PHKB: variants seen among roughly 807,000 people sequenced by gnomAD.
PHKB encodes phosphorylase b kinase regulatory subunit beta.
PHKB carries 122 observed loss-of-function variants against 152.1 expected under a neutral mutation model. The ratio of observed to expected loss-of-function variants is 0.80; its 90% CI spans 0.69 to 0.93. The LOEUF (loss-of-function observed/expected upper bound fraction) is 0.93. Among genes scored for constraint, PHKB ranks in the 40% least tolerant of loss-of-function variants. The pLI, the probability that PHKB is intolerant of heterozygous loss-of-function variation, is 0.00. For missense variants in PHKB, 1,304 were observed against 1,328.4 expected, an observed-to-expected ratio of 0.98 and a Z score of 0.29; for synonymous variants, 436 against 464.9, an observed-to-expected ratio of 0.94 and a Z score of 0.80.
At chr16:47,610,737 T>A in intron 13 of PHKB, 89 bp from the exon 14 acceptor site, 1 of 767,434 alleles carries the variant, frequency 1.3e-6, no homozygotes, top group South Asian at 1.4e-5. Flanking sequence ...TATATTCTTC[T>A]CTTGTTGGAG....
chr16:47,626,584 C>T (rs1972713974), intron 14 of PHKB, among the ~76,000 whole-genome samples: 1 of 152,178 alleles, frequency 6.6e-6, no homozygotes, highest in Non-Finnish European at 1.5e-5. Flanking sequence ...GTTTATGGTA[C>T]AGCCAGTAAG....
chr16:47,517,913 T>C (rs887547268), intron 6 of PHKB, among the ~76,000 whole-genome samples: 7 of 152,184 alleles, frequency 4.6e-5, no homozygotes, highest in Non-Finnish European at 1.0e-4. Context: ...ATCTTTTTCC[T>C]TGAGATTCTG....
chr16:47,614,604 A>G (rs1395127449), intron 14 of PHKB, among the ~76,000 whole-genome samples: 1 of 152,172 alleles, frequency 6.6e-6, no homozygotes, highest in Non-Finnish European at 1.5e-5. Flanking sequence ...CAGTGGTATC[A>G]TTTTGCCACT....
rs542889959 is a variant in PHKB at position 47,473,842 on chromosome 16, GC to G, written c.76+12420del. Among the ~76,000 whole-genome samples, 1,230 of 152,190 alleles carry G rather than the reference GC, an allele frequency of 8.1e-3. 16 individuals are homozygous for G. The highest frequency in any genetic ancestry group is 0.029 in the African/African-American group (1,194 of 41,512). On this transcript the variant is annotated intron_variant, in intron 1 of 30. Transcript: ENST00000323584. ...TAAATCAGGCTAATTAACAAATCTG[GC>G]CCCTCACATACTTACTATTTTTTCG...
At chr16:47,664,629 T>C (rs541321909) in intron 24 of PHKB, among the ~76,000 whole-genome samples, 20 of 152,312 alleles carry the variant, frequency 1.3e-4, no homozygotes, top group Non-Finnish European at 2.4e-4. Context: ...TCACTGTAAA[T>C]TTTCAGTACA....
At chr16:47,506,428 A>G (rs958601873) in intron 4 of PHKB, among the ~76,000 whole-genome samples, 18 of 152,238 alleles carry the variant, frequency 1.2e-4, no homozygotes, top group Admixed American at 1.2e-3. Context: ...GGTTTTTCAG[A>G]TGCTTGAAAT....
intron 14 of PHKB, among the ~76,000 whole-genome samples, chr16:47,622,605 C>T (rs572938651): frequency 3.9e-5 from 6 of 152,284 alleles, no homozygotes; most frequent in South Asian, 4.1e-4. Flanking sequence ...AATTCAGTTT[C>T]GCATTCAGTG....
At chr16:47,647,028 G>T (rs1973141221) in intron 16 of PHKB, among the ~76,000 whole-genome samples, 1 of 152,098 alleles carries the variant, frequency 6.6e-6, no homozygotes, top group South Asian at 2.1e-4. Context: ...AGACATTCTA[G>T]AAGTTTCTGC....
At chr16:47,621,849 A>G (rs895870515) in intron 14 of PHKB, among the ~76,000 whole-genome samples, 4 of 152,162 alleles carry the variant, frequency 2.6e-5, no homozygotes, top group Admixed American at 6.6e-5. Flanking sequence ...ATCAATTGGT[A>G]TTTATACCTG....
chr16:47,644,347 G>T (rs1447793006), intron 16 of PHKB, among the ~76,000 whole-genome samples: 1 of 152,174 alleles, frequency 6.6e-6, no homozygotes, highest in Non-Finnish European at 1.5e-5. Flanking sequence ...ACATTCAGTT[G>T]CTCCCTCATT....
chr16:47,523,797 C>T (rs1597053907), intron 6 of PHKB, among the ~76,000 whole-genome samples: 2 of 152,298 alleles, frequency 1.3e-5, no homozygotes, highest in African/African-American at 4.8e-5. Context: ...AGGCCATTTG[C>T]ATCTATGTGA....
chr16:47,580,849 A>G (rs1209794696), intron 8 of PHKB, among the ~76,000 whole-genome samples: 2 of 151,912 alleles, frequency 1.3e-5, no homozygotes, highest in African/African-American at 4.8e-5. Flanking sequence ...CTAAAATCTC[A>G]TTTTCTCTGG....
At chr16:47,468,530 G>A (rs1969708742) in intron 1 of PHKB, among the ~76,000 whole-genome samples, 1 of 152,226 alleles carries the variant, frequency 6.6e-6, no homozygotes, top group Non-Finnish European at 1.5e-5. Context: ...GCATGCGCCT[G>A]TAATCTCAGC....
intron 25 of PHKB, chr16:47,665,973 A>C: frequency 6.2e-7 from 1 of 1,614,026 alleles, no homozygotes; most frequent in Non-Finnish European, 8.5e-7. Context: ...AAGTCTTTTA[A>C]GTAAAGTAGT....
intron 10 of PHKB, among the ~76,000 whole-genome samples, chr16:47,592,464 C>A (rs1972044772): frequency 6.6e-6 from 1 of 152,200 alleles, no homozygotes; most frequent in Non-Finnish European, 1.5e-5. Context: ...CTTTGTGATT[C>A]TGTGCATCTG....
chr16:47,485,974 A>G (rs1449394592), intron 1 of PHKB, among the ~76,000 whole-genome samples: 1 of 151,766 alleles, frequency 6.6e-6, no homozygotes, highest in Non-Finnish European at 1.5e-5. Flanking sequence ...AAAAAAAAAA[A>G]GTAGTAAAAA....
In PHKB at chr16:47,547,443, T is replaced by G; in HGVS notation, c.605T>G (p.Ile202Ser). 6.2e-7 allele frequency: 1 copy of G among 1,602,706 alleles called. No homozygotes were observed. The highest frequency in any genetic ancestry group is 1.1e-5 in the South Asian group (1 of 90,838). Residue 202 changes from isoleucine to serine, a missense_variant, in exon 7 of 31, where the codon ATT becomes AGT. Ile to Ser is a moderately radical substitution (Grantham distance 142, BLOSUM62 -2). Coordinates refer to ENST00000323584, the MANE Select transcript of PHKB (RefSeq NM_000293.3). ...IIYNTDEVSF[I>S]QNLVFCVERV... Reference sequence around the variant, plus strand: ...TTCTTTTTCTTTTAGGTCTCTTTTATTCAAAACCTTGTATTTTGTGTGGAA... The same window carrying G: ...TTCTTTTTCTTTTAGGTCTCTTTTAGTCAAAACCTTGTATTTTGTGTGGAA...
intron 6 of PHKB, among the ~76,000 whole-genome samples, chr16:47,539,361 G>C (rs1334303756): frequency 6.6e-6 from 1 of 151,808 alleles, no homozygotes; most frequent in Non-Finnish European, 1.5e-5. Context: ...GAACAGATAA[G>C]TACTTTTTTT....
chr16:47,550,028 G>C (rs909814362), intron 7 of PHKB, among the ~76,000 whole-genome samples: 1 of 152,130 alleles, frequency 6.6e-6, no homozygotes, highest in African/African-American at 2.4e-5. Context: ...TGACATTGAT[G>C]TTCTACTTGT....
Sources: gnomAD v4.1 joint callset for allele counts (sites outside exome capture counted in the v4.1 genomes callset) on GRCh38, gnomAD v4.1.1 for gene constraint, MANE v1.5 for transcripts, NCBI Gene and HGNC (gene_info 2026-07-23, HGNC 2026-07-21) for gene names.